Variants in GRIN2A observed in about 807,000 individuals in gnomAD.
GRIN2A encodes the protein glutamate ionotropic receptor NMDA type subunit 2A, also known as glutamate receptor ionotropic, NMDA 2A.
In GRIN2A, 22 loss-of-function variants were observed where a neutral mutation model predicts 113.4. That is an observed-to-expected ratio of 0.19 (90% CI 0.14 to 0.28). The LOEUF (loss-of-function observed/expected upper bound fraction) is 0.28, where lower values mean the gene tolerates loss of function less well. GRIN2A is among the 10% of genes least tolerant of loss of function. The probability of loss-of-function intolerance (pLI) is 1.00; values close to 1 mark genes in which losing one functional copy is unlikely to be tolerated. For missense variants in GRIN2A, 1,502 were observed against 1,887.0 expected (o/e 0.80, Z 3.78); for synonymous variants, 827 against 738.4 (o/e 1.12, Z -1.94).
At chr16:10,097,612 G>A (rs553096315) in intron 2 of GRIN2A, among the ~76,000 whole-genome samples, 4 of 152,264 alleles carry the variant, frequency 2.6e-5, no homozygotes, top group African/African-American at 9.6e-5. Flanking sequence ...GCAGCTATTG[G>A]CATATCCTAG....
chr16:9,774,848 G>T (rs1008856874), intron 11 of GRIN2A, among the ~76,000 whole-genome samples: 1 of 152,198 alleles, frequency 6.6e-6, no homozygotes, highest in East Asian at 1.9e-4. Flanking sequence ...GGGAAGCTGG[G>T]GGGTGGGATG....
chr16:10,154,169 C>T (rs1719572739), intron 2 of GRIN2A, among the ~76,000 whole-genome samples: 1 of 152,208 alleles, frequency 6.6e-6, no homozygotes. Flanking sequence ...CATCCCCCTC[C>T]CCACCTACAC....
At chr16:9,969,537 T>C (rs1325876351) in intron 2 of GRIN2A, among the ~76,000 whole-genome samples, 1 of 152,192 alleles carries the variant, frequency 6.6e-6, no homozygotes, top group African/African-American at 2.4e-5. Context: ...GAACTGGATG[T>C]TCATGGTGCC....
chr16:10,037,688 T>A (rs1384666836), intron 2 of GRIN2A, among the ~76,000 whole-genome samples: 1 of 152,018 alleles, frequency 6.6e-6, no homozygotes, highest in Non-Finnish European at 1.5e-5. Flanking sequence ...TGCAGCGGAG[T>A]GATCAGAGTT....
At chr16:10,123,299 T>C (rs1334340113) in intron 2 of GRIN2A, among the ~76,000 whole-genome samples, 1 of 152,208 alleles carries the variant, frequency 6.6e-6, no homozygotes, top group Non-Finnish European at 1.5e-5. Flanking sequence ...TTAGATGTAA[T>C]ACTATGTCAA....
chr16:10,043,890 T>C (rs191420227), intron 2 of GRIN2A, among the ~76,000 whole-genome samples: 15 of 151,434 alleles, frequency 9.9e-5, no homozygotes, highest in African/African-American at 2.4e-4. Flanking sequence ...TACACACACA[T>C]ATATATATAC....
chr16:9,921,028 C>G (rs1325324295), intron 3 of GRIN2A, among the ~76,000 whole-genome samples: 1 of 152,164 alleles, frequency 6.6e-6, no homozygotes, highest in African/African-American at 2.4e-5. Context: ...TCAAGGGACT[C>G]ATTCCAGAAC....
rs1054515282 is a variant in GRIN2A, at chr16:9,757,042, A to G, written c.*6107T>C. On this transcript the variant is annotated 3_prime_UTR_variant, in exon 13 of 13. Transcript: ENST00000330684. Reference sequence around the variant, plus strand: ...CAAATGTCAAAAACAAAACCAAACAAAAAAGCTTTAGGGAAATGCTTCGTC... The same window carrying G: ...CAAATGTCAAAAACAAAACCAAACAGAAAAGCTTTAGGGAAATGCTTCGTC... The G allele has an allele frequency of 3.0e-5, 6 of 202,894 alleles. No individual in the cohort carries two copies. The highest frequency in any genetic ancestry group is 1.4e-4 in the African/African-American group (6 of 43,682). The allele number at this position is 202,894 out of a possible 1,614,324, so 12.6% of individuals were successfully genotyped here.
intron 3 of GRIN2A, among the ~76,000 whole-genome samples, chr16:9,913,602 A>T (rs2044186498): frequency 6.6e-6 from 1 of 152,232 alleles, no homozygotes; most frequent in Non-Finnish European, 1.5e-5. Flanking sequence ...ATACTTCAGC[A>T]GCTCTGGAAC....
intron 2 of GRIN2A, chr16:10,037,376 T>G (rs2047056487): frequency 6.6e-6 from 1 of 152,314 alleles, no homozygotes; most frequent in South Asian, 2.1e-4. Flanking sequence ...CTTCTCCGCT[T>G]GCATGCACTA....
chr16:9,941,893 A>G (rs952477017), intron 2 of GRIN2A, among the ~76,000 whole-genome samples: 5 of 152,224 alleles, frequency 3.3e-5, no homozygotes, highest in Non-Finnish European at 7.3e-5. Flanking sequence ...AAAAAGACCC[A>G]GAAGTAGGGT....
intron 2 of GRIN2A, chr16:10,112,162 T>C (rs1000464396): frequency 1.2e-5 from 7 of 586,454 alleles, no homozygotes; most frequent in East Asian, 1.1e-4. Flanking sequence ...TGCCTGGACC[T>C]GCTCACCTGG....
chr16:9,837,690 T>C (rs1283899070), intron 7 of GRIN2A, among the ~76,000 whole-genome samples: 1 of 151,974 alleles, frequency 6.6e-6, no homozygotes, highest in Non-Finnish European at 1.5e-5. Context: ...TGACTAGGAG[T>C]GACTAAAGAG....
chr16:9,806,258 T>C (rs2041963783), intron 10 of GRIN2A, among the ~76,000 whole-genome samples: 1 of 152,210 alleles, frequency 6.6e-6, no homozygotes, highest in African/African-American at 2.4e-5. Context: ...CATTTTGAGT[T>C]TTCTTTTGTG....
intron 2 of GRIN2A, among the ~76,000 whole-genome samples, chr16:10,162,312 G>T (rs2049823115): frequency 6.6e-6 from 1 of 152,192 alleles, no homozygotes; most frequent in South Asian, 2.1e-4. Context: ...CTCCACTGAG[G>T]CTCAGTTACA....
At chr16:10,057,187 A>G (rs370629838) in intron 2 of GRIN2A, among the ~76,000 whole-genome samples, 14 of 152,202 alleles carry the variant, frequency 9.2e-5, no homozygotes, top group African/African-American at 2.7e-4. Flanking sequence ...TAAGTGTACA[A>G]TGGCGACAAC....
intron 2 of GRIN2A, among the ~76,000 whole-genome samples, chr16:9,991,874 G>T (rs1370237896): frequency 6.6e-6 from 1 of 152,112 alleles, no homozygotes. Flanking sequence ...CACAGTGAGG[G>T]GAAGATCACA....
intron 2 of GRIN2A, among the ~76,000 whole-genome samples, chr16:10,108,185 G>C (rs1375938881): frequency 1.3e-5 from 2 of 152,188 alleles, no homozygotes; most frequent in African/African-American, 4.8e-5. Flanking sequence ...CCACATGGCT[G>C]GGAAGGCCTC....
intron 2 of GRIN2A, among the ~76,000 whole-genome samples, chr16:10,174,589 C>A (rs8055598): frequency 0.58 from 88,487 of 151,840 alleles, 26,398 homozygotes; most frequent in Non-Finnish European, 0.65. Flanking sequence ...GTTACATGCA[C>A]AAAGTGAGAA....
Sources: allele counts gnomAD v4.1 joint callset (sites outside exome capture counted in the v4.1 genomes callset), GRCh38; gene constraint gnomAD v4.1.1; transcripts MANE v1.5; gene names NCBI Gene and HGNC (gene_info 2026-07-23, HGNC 2026-07-21).